The following SLC39A9 variants were observed in gnomAD, a reference collection of about 807,000 sequenced individuals.
SLC39A9 encodes zinc transporter ZIP9.
A neutral mutation model predicts 28.4 loss-of-function variants in SLC39A9; 14 were observed. The ratio of observed to expected loss-of-function variants is 0.49; its 90% CI spans 0.33 to 0.77. The LOEUF (loss-of-function observed/expected upper bound fraction) is 0.77. Among genes scored for constraint, SLC39A9 ranks in the 30% least tolerant of loss-of-function variants. SLC39A9 has a pLI of 0.02. For missense variants in SLC39A9, 283 were observed against 381.1 expected (o/e 0.74, Z 2.14); for synonymous variants, 119 against 149.6 (o/e 0.80, Z 1.49).
intron 6 of SLC39A9, among the ~76,000 whole-genome samples, chr14:69,456,557 C>G (rs1885874158): frequency 6.6e-6 from 1 of 152,186 alleles, no homozygotes; most frequent in South Asian, 2.1e-4. Flanking sequence ...CTGAACATAG[C>G]TTCAGACCTG....
At chr14:69,430,442 T>C (rs1266414942) in intron 2 of SLC39A9, among the ~76,000 whole-genome samples, 1 of 152,182 alleles carries the variant, frequency 6.6e-6, no homozygotes, top group Non-Finnish European at 1.5e-5. Flanking sequence ...CCTTCTCTAT[T>C]GAATTATCTT....
At chr14:69,427,100 T>G (rs1048795196) in intron 2 of SLC39A9, among the ~76,000 whole-genome samples, 13 of 151,648 alleles carry the variant, frequency 8.6e-5, no homozygotes, top group Admixed American at 1.3e-4. Flanking sequence ...TTCCCCAGGT[T>G]CAGGTGACCC....
intron 6 of SLC39A9, among the ~76,000 whole-genome samples, chr14:69,456,110 A>G (rs560916626): frequency 1.3e-3 from 198 of 152,346 alleles, no homozygotes; most frequent in Middle Eastern, 3.4e-3. Flanking sequence ...CATAAATATG[A>G]TAGCGCTTCA....
Position 69,399,480 on chromosome 14 carries a change from A to G in SLC39A9, c.96+15A>G, listed in dbSNP as rs1171227442. 5.6e-6 allele frequency: 9 copies of G among 1,607,766 alleles called. No individual in the cohort carries two copies. The East Asian group carries it at 1.8e-4, about 32-fold the overall frequency. On this transcript the variant is annotated intron_variant, in intron 1 of 6. Coordinates refer to ENST00000336643, the MANE Select transcript of SLC39A9 (RefSeq NM_018375.5). ...ATTTCTCAGAGGTAAGAAATTCTCA[A>G]TTTTCTGTCAGCTGTCAGGATGGCT...
chr14:69,446,300 T>C (rs1233471655), intron 3 of SLC39A9, among the ~76,000 whole-genome samples: 1 of 150,696 alleles, frequency 6.6e-6, no homozygotes, highest in African/African-American at 2.4e-5. Context: ...ATATATGTCC[T>C]AGCTCTGTCT....
At position 69,399,209 on chromosome 14, in the gene SLC39A9, A is replaced by G; in HGVS notation, c.-161A>G. On this transcript the variant is annotated 5_prime_UTR_variant, in exon 1 of 7. Coordinates refer to ENST00000336643, the MANE Select transcript of SLC39A9 (RefSeq NM_018375.5). ...AAGGGTCTGTTGCCGGGTACGTTCA[A>G]GAGGAAGGTGCCTCGTGAACACATC... The G allele has an allele frequency of 1.6e-6, 1 of 644,842 alleles. No individual in the cohort carries two copies. The highest frequency in any genetic ancestry group is 1.9e-5 in the African/African-American group (1 of 53,000). The allele number at this position is 644,842 out of a possible 1,614,324, so 39.9% of individuals were successfully genotyped here. A position where few individuals can be genotyped will look rare whatever the true frequency, so the allele number is the denominator to read the frequency against.
At chr14:69,449,245 T>A (rs1184482760) in intron 3 of SLC39A9, among the ~76,000 whole-genome samples, 1 of 152,168 alleles carries the variant, frequency 6.6e-6, no homozygotes, top group Non-Finnish European at 1.5e-5. Flanking sequence ...TGAGAAGCAC[T>A]GTTGGGTGGT....
At position 69,459,734 on chromosome 14, in the gene SLC39A9, C is replaced by G. The variant is rs1479302241; in HGVS notation, c.*1141C>G. ...CTTATTGGAATCATGTCTCTTGTCT[C>G]TTCGTCTTTTCTTTGCTTTTCTTCT... On this transcript the variant is annotated 3_prime_UTR_variant, in exon 7 of 7. Transcript: ENST00000336643. The G allele has an allele frequency of 1.0e-6, 1 of 984,738 alleles. No homozygotes were observed. The highest frequency in any genetic ancestry group is 1.1e-4 in the East Asian group (1 of 8,828). 61.0% of individuals were successfully genotyped at this position (984,738 alleles called of 1,614,324 possible).
rs1406808058 is a variant in SLC39A9 at position 69,460,879 on chromosome 14, A to G, written c.*2286A>G. The G allele has an allele frequency of 8.1e-6, 8 of 985,498 alleles. No individual in the cohort carries two copies. Among genetic ancestry groups the G allele is most frequent in the Non-Finnish European group, 9.6e-6 (8 of 829,966 alleles). The allele number at this position is 985,498 out of a possible 1,614,324, so 61.0% of individuals were successfully genotyped here. A position where few individuals can be genotyped will look rare whatever the true frequency, so the allele number is the denominator to read the frequency against. ...CTGGTCAGCAGACAGAAATAGCCAT[A>G]CTAATCTCATAGGGCTCAAATGCAT... On this transcript the variant is annotated 3_prime_UTR_variant, in exon 7 of 7. Coordinates refer to ENST00000336643, the MANE Select transcript of SLC39A9 (RefSeq NM_018375.5).
At chr14:69,425,240 T>C (rs1884123954) in intron 2 of SLC39A9, among the ~76,000 whole-genome samples, 1 of 152,222 alleles carries the variant, frequency 6.6e-6, no homozygotes, top group Non-Finnish European at 1.5e-5. Context: ...AATGTGTACA[T>C]TATAAAATAC....
intron 3 of SLC39A9, among the ~76,000 whole-genome samples, chr14:69,447,308 G>C (rs1885376870): frequency 6.6e-6 from 1 of 152,150 alleles, no homozygotes; most frequent in Non-Finnish European, 1.5e-5. Context: ...AACCAGTGGA[G>C]AGCAACCCAA....
chr14:69,409,708 A>G (rs1185826076), intron 1 of SLC39A9, among the ~76,000 whole-genome samples: 1 of 152,144 alleles, frequency 6.6e-6, no homozygotes, highest in South Asian at 2.1e-4. Flanking sequence ...TGCATTTAAT[A>G]TGTTTTTACA....
chr14:69,438,318 A>AC (rs965187357), intron 2 of SLC39A9, among the ~76,000 whole-genome samples: 1 of 151,386 alleles, frequency 6.6e-6, no homozygotes, highest in Non-Finnish European at 1.5e-5. Flanking sequence ...ACCGCGCCTG[A>AC]CCCCCCTCTT....
chr14:69,443,740 C>T (rs928473312), intron 3 of SLC39A9, among the ~76,000 whole-genome samples: 4 of 152,010 alleles, frequency 2.6e-5, no homozygotes, highest in African/African-American at 4.8e-5. Flanking sequence ...CATAGTGGTA[C>T]GCACCTGGAG....
intron 1 of SLC39A9, among the ~76,000 whole-genome samples, chr14:69,409,355 A>T (rs1883121909): frequency 6.6e-6 from 1 of 152,076 alleles, no homozygotes; most frequent in South Asian, 2.1e-4. Flanking sequence ...GTTGTTGTTA[A>T]GGCAAGGTCT....
intron 1 of SLC39A9, among the ~76,000 whole-genome samples, chr14:69,408,606 A>AT (rs1339427521): frequency 2.6e-5 from 4 of 152,138 alleles, no homozygotes; most frequent in African/African-American, 9.7e-5. Flanking sequence ...AAAGCTAGAA[A>AT]TCTGGATTTT....
At chr14:69,425,625 T>G (rs901467370) in intron 2 of SLC39A9, among the ~76,000 whole-genome samples, 2 of 152,106 alleles carry the variant, frequency 1.3e-5, no homozygotes, top group African/African-American at 4.8e-5. Context: ...AGATATAATT[T>G]ACATACCCTG....
intron 1 of SLC39A9, among the ~76,000 whole-genome samples, chr14:69,411,661 T>C (rs1357894645): frequency 1.3e-5 from 2 of 152,078 alleles, no homozygotes; most frequent in Admixed American, 1.3e-4. Context: ...AACTTTAATA[T>C]AAACACAACT....
At position 69,453,196 on chromosome 14, in the gene SLC39A9, T is replaced by G. The variant is rs544582416; in HGVS notation, c.404-45T>G. ...CCTCCAGACCAATGTTTGAACAGTT[T>G]CTGTCTCACATAGCTTAACGCTGTC... On this transcript the variant is annotated intron_variant, in intron 3 of 6. Coordinates refer to ENST00000336643, the MANE Select transcript of SLC39A9 (RefSeq NM_018375.5). 4 of 1,538,658 alleles carry G rather than the reference T, an allele frequency of 2.6e-6. No individual in the cohort carries two copies. The Admixed American group carries it at 6.7e-5, about 26-fold the overall frequency.
Sources: allele counts gnomAD v4.1 joint callset (sites outside exome capture counted in the v4.1 genomes callset), GRCh38; gene constraint gnomAD v4.1.1; transcripts MANE v1.5; gene names NCBI Gene and HGNC (gene_info 2026-07-23, HGNC 2026-07-21).